The following RFTN1 variants were observed in gnomAD, a reference collection of about 807,000 sequenced individuals.
RFTN1 encodes raftlin.
A neutral mutation model predicts 46.5 loss-of-function variants in RFTN1; 26 were observed. The observed-to-expected ratio is 0.56, with a 90% confidence interval of 0.41 to 0.78. The LOEUF (loss-of-function observed/expected upper bound fraction) is 0.78, where lower values mean the gene tolerates loss of function less well. RFTN1 is among the 30% of genes least tolerant of loss of function. The pLI is 0.00. For missense variants in RFTN1, 693 were observed against 718.7 expected (o/e 0.96, Z 0.41); for synonymous variants, 261 against 284.2 (o/e 0.92, Z 0.82).
At position 16,498,099 on chromosome 3, in the gene RFTN1, G is replaced by T. The variant is rs2124999980; in HGVS notation, c.-8-4222C>A. 6.6e-6 allele frequency among the ~76,000 whole-genome samples: 1 copy of T among 152,200 alleles called. No individual in the cohort carries two copies. Among genetic ancestry groups the T allele is most frequent in the Admixed American group, 6.5e-5 (1 of 15,298 alleles). The stretch of plus-strand genomic sequence containing the variant: ...TATCACAGGACATAAAGGGGCTCTG[G>T]GCAAATCATCCATGTGATCAGACAC... On this transcript the variant is annotated intron_variant, in intron 1 of 9. Transcript: ENST00000334133. This position sits in a 1 kb window ranked among gnomAD's most constrained non-coding sequence, Gnocchi z 5.2.
In RFTN1 at chr3:16,507,838, CAT is replaced by C. The variant is rs1367998404; in HGVS notation, c.-9+5602_-9+5603del. On this transcript the variant is annotated intron_variant, in intron 1 of 9. Transcript: ENST00000334133. This position sits in a 1 kb window ranked among gnomAD's most constrained non-coding sequence, Gnocchi z 7.1. Reference sequence around the variant, plus strand: ...ACATACATACATACACACACACACACATACACACATATATATACACACACACA... The same window carrying C: ...ACATACATACATACACACACACACACACACACATATATATACACACACACA... Among the ~76,000 whole-genome samples, 188 of 151,894 alleles carry C rather than the reference CAT, an allele frequency of 1.2e-3. No homozygotes were observed. The highest frequency in any genetic ancestry group is 4.2e-3 in the African/African-American group (172 of 41,406).
At chr3:16,328,569 C>T (rs940114123) in intron 7 of RFTN1, among the ~76,000 whole-genome samples, 9 of 152,228 alleles carry the variant, frequency 5.9e-5, no homozygotes, top group Admixed American at 1.3e-4. Flanking sequence ...GCCTCCCTTT[C>T]CTCCGCTGTA....
chr3:16,412,775 T>G lies in RFTN1; in HGVS notation c.333-3292A>C, dbSNP rs941422992. 3.3e-5 allele frequency among the ~76,000 whole-genome samples: 5 copies of G among 152,338 alleles called. No individual in the cohort carries two copies. In the East Asian group the frequency reaches 9.6e-4, roughly 29 times the overall value. On this transcript the variant is annotated intron_variant, in intron 3 of 9. Coordinates refer to ENST00000334133, the MANE Select transcript of RFTN1 (RefSeq NM_015150.2). The stretch of plus-strand genomic sequence containing the variant: ...CTGAGCTAGAGAATCCCTTACTGGC[T>G]TTGAAGAAGAAAGCTTCAGGAAGAA...
Position 16,479,303 on chromosome 3 carries a change from T to G in RFTN1, c.145+14422A>C, listed in dbSNP as rs1056885273. On this transcript the variant is annotated intron_variant, in intron 2 of 9. Transcript: ENST00000334133. This position sits in a 1 kb window ranked among gnomAD's most constrained non-coding sequence, Gnocchi z 5.1. ...AAATGGTATTAAGAAAAAAGATATT[T>G]TCTTGGTTTTTAGTTGTTTTAGGCT... 5.3e-5 allele frequency among the ~76,000 whole-genome samples: 8 copies of G among 152,200 alleles called. No homozygotes were observed. The highest frequency in any genetic ancestry group is 1.7e-4 in the African/African-American group (7 of 41,432).
intron 9 of RFTN1, among the ~76,000 whole-genome samples, chr3:16,318,648 G>A (rs1348230698): frequency 1.3e-5 from 2 of 152,152 alleles, no homozygotes; most frequent in African/African-American, 4.8e-5. Context: ...AGATAAGAAT[G>A]GTAATGGAAT....
In RFTN1 at chr3:16,489,308, C is replaced by CT. The variant is rs2076502742; in HGVS notation, c.145+4416dup. Among the ~76,000 whole-genome samples, 1 of 152,220 alleles carries CT rather than the reference C, an allele frequency of 6.6e-6. No individual in the cohort carries two copies. Among genetic ancestry groups the CT allele is most frequent in the South Asian group, 2.1e-4 (1 of 4,820 alleles). ...TGGCGGGCACCTGTAATCCCAACTA[C>CT]TCGGCAGGCTGAGGCACAAGAATTA... On this transcript the variant is annotated intron_variant, in intron 2 of 9. Transcript: ENST00000334133. This position sits in a 1 kb window ranked among gnomAD's most constrained non-coding sequence, Gnocchi z 4.0.
At position 16,345,788 on chromosome 3, in the gene RFTN1, C is replaced by CTGTCTGTGTG. The variant is rs765619275; in HGVS notation, c.1146+12143_1146+12144insCACACAGACA. On this transcript the variant is annotated intron_variant, in intron 7 of 9. Transcript: ENST00000334133. The surrounding 1 kb of genome is among the most constrained non-coding windows in gnomAD (Gnocchi z 5.2). Reference sequence around the variant, plus strand: ...TGAGCCAAAACCTTATAATAAATCTCTGTGTGTGTGTGTGTGTGTGTGTGT... The same window carrying CTGTCTGTGTG: ...TGAGCCAAAACCTTATAATAAATCTCTGTCTGTGTGTGTGTGTGTGTGTGTGTGTGTGTGT... Among the ~76,000 whole-genome samples, 1,586 of 126,768 alleles carry CTGTCTGTGTG rather than the reference C, an allele frequency of 0.013. 10 individuals carry two copies. Among genetic ancestry groups the CTGTCTGTGTG allele is most frequent in the Admixed American group, 0.032 (403 of 12,778 alleles). The allele number at this position is 126,768 out of a possible 152,430, so 83.2% of individuals were successfully genotyped here. A position where few individuals can be genotyped will look rare whatever the true frequency, so the allele number is the denominator to read the frequency against.
chr3:16,324,105 G>GTT (rs560856336), intron 8 of RFTN1, among the ~76,000 whole-genome samples: 21 of 93,744 alleles, frequency 2.2e-4, no homozygotes, highest in African/African-American at 6.2e-4. Flanking sequence ...GAAGATCACT[G>GTT]TTTTTTTTTT....
At chr3:16,372,019 G>A (rs2073529396) in intron 5 of RFTN1, among the ~76,000 whole-genome samples, 1 of 152,168 alleles carries the variant, frequency 6.6e-6, no homozygotes, top group East Asian at 1.9e-4. Flanking sequence ...TGGGTGTCAG[G>A]GGTTCAATTA....
rs2075992474 is a variant in RFTN1, at chr3:16,460,611, C to A, written c.146-26574G>T. Reference sequence around the variant, plus strand: ...GGTGGGGAATATATATTTTTTTAACCTAAATCTTCTTCTCATTTTCTCCTT... The same window carrying A: ...GGTGGGGAATATATATTTTTTTAACATAAATCTTCTTCTCATTTTCTCCTT... On this transcript the variant is annotated intron_variant, in intron 2 of 9. Coordinates refer to ENST00000334133, the MANE Select transcript of RFTN1 (RefSeq NM_015150.2). The surrounding 1 kb of genome is among the most constrained non-coding windows in gnomAD (Gnocchi z 4.8). Among the ~76,000 whole-genome samples the A allele has an allele frequency of 7.5e-6, 1 of 133,668 alleles. No homozygotes were observed. Among genetic ancestry groups the A allele is most frequent in the African/African-American group, 2.5e-5 (1 of 39,954 alleles). 87.7% of individuals were successfully genotyped at this position (133,668 alleles called of 152,430 possible).
rs1265871829 is a variant in RFTN1 at position 16,338,064 on chromosome 3, A to G, written c.1147-11188T>C. On this transcript the variant is annotated intron_variant, in intron 7 of 9. Coordinates refer to ENST00000334133, the MANE Select transcript of RFTN1 (RefSeq NM_015150.2). The surrounding 1 kb of genome is among the most constrained non-coding windows in gnomAD (Gnocchi z 5.3). ...TAAAGCACCATGCCAAGCTGGCAAGAAAACCAAACCTGCATGTGCAAGATA... is the reference window on the plus strand; with the variant it reads ...TAAAGCACCATGCCAAGCTGGCAAGGAAACCAAACCTGCATGTGCAAGATA... Among the ~76,000 whole-genome samples, 1 of 152,244 alleles carries G rather than the reference A, an allele frequency of 6.6e-6. No homozygotes were observed. The highest frequency in any genetic ancestry group is 1.5e-5 in the Non-Finnish European group (1 of 68,034).
At chr3:16,397,069 G>GAA (rs11290510) in intron 4 of RFTN1, among the ~76,000 whole-genome samples, 28 of 117,106 alleles carry the variant, frequency 2.4e-4, no homozygotes, top group African/African-American at 2.8e-4. Flanking sequence ...GTCTCAAAAT[G>GAA]AAAAAAAAAA....
In RFTN1 at chr3:16,425,022, A is replaced by G. The variant is rs1050715770; in HGVS notation, c.332+8829T>C. 6.6e-6 allele frequency among the ~76,000 whole-genome samples: 1 copy of G among 152,096 alleles called. No homozygotes were observed. Among genetic ancestry groups the G allele is most frequent in the Non-Finnish European group, 1.5e-5 (1 of 68,044 alleles). ...TTCAACAGAGTTGAATAGGTAGACT[A>G]TTCAATACAAGACTCCCACAAAGAT... On this transcript the variant is annotated intron_variant, in intron 3 of 9. Transcript: ENST00000334133. The surrounding 1 kb of genome is among the most constrained non-coding windows in gnomAD (Gnocchi z 4.3).
At chr3:16,467,885 C>T (rs553273135) in intron 2 of RFTN1, among the ~76,000 whole-genome samples, 2 of 152,252 alleles carry the variant, frequency 1.3e-5, no homozygotes, top group South Asian at 4.2e-4. Context: ...AGCTTCATCC[C>T]TCACCCCACT....
At position 16,489,656 on chromosome 3, in the gene RFTN1, C is replaced by G. The variant is rs999454659; in HGVS notation, c.145+4069G>C. Among the ~76,000 whole-genome samples the G allele has an allele frequency of 2.6e-5, 4 of 152,152 alleles. No individual in the cohort carries two copies. Among genetic ancestry groups the G allele is most frequent in the Admixed American group, 2.0e-4 (3 of 15,288 alleles). ...AGTGCAGTGGCTCATGCCTGTAAGC[C>G]CAGCACTTTGGGAGGCCGAGGTGGG... On this transcript the variant is annotated intron_variant, in intron 2 of 9. Coordinates refer to ENST00000334133, the MANE Select transcript of RFTN1 (RefSeq NM_015150.2). This position sits in a 1 kb window ranked among gnomAD's most constrained non-coding sequence, Gnocchi z 4.0.
chr3:16,417,275 C>T (rs1430750720), intron 3 of RFTN1, among the ~76,000 whole-genome samples: 1 of 151,898 alleles, frequency 6.6e-6, no homozygotes, highest in Non-Finnish European at 1.5e-5. Flanking sequence ...GCTGAGAATA[C>T]AGGCATCAGC....
chr3:16,367,478 G>GA (rs1418770354), intron 6 of RFTN1, among the ~76,000 whole-genome samples: 1 of 152,170 alleles, frequency 6.6e-6, no homozygotes, highest in African/African-American at 2.4e-5. Flanking sequence ...TTTGTTCTGA[G>GA]AATTGTGCAG....
At chr3:16,436,212 G>A (rs999726770) in intron 2 of RFTN1, among the ~76,000 whole-genome samples, 4 of 151,434 alleles carry the variant, frequency 2.6e-5, no homozygotes, top group Admixed American at 6.6e-5. Context: ...TCTTTGCCTC[G>A]TGTCCTATTT....
chr3:16,344,469 C>G lies in RFTN1; in HGVS notation c.1146+13463G>C, dbSNP rs1290250941. Among the ~76,000 whole-genome samples, 1 of 152,054 alleles carries G rather than the reference C, an allele frequency of 6.6e-6. No individual in the cohort carries two copies. Among genetic ancestry groups the G allele is most frequent in the Non-Finnish European group, 1.5e-5 (1 of 68,004 alleles). On this transcript the variant is annotated intron_variant, in intron 7 of 9. Transcript: ENST00000334133. This position sits in a 1 kb window ranked among gnomAD's most constrained non-coding sequence, Gnocchi z 4.4. Reference sequence around the variant, plus strand: ...ATGGGTGGGTGGTCCAGAGTCTTCCCCACTCTCAGACCTGCCCTGGCCTTC... The same window carrying G: ...ATGGGTGGGTGGTCCAGAGTCTTCCGCACTCTCAGACCTGCCCTGGCCTTC...
Sources: allele counts gnomAD v4.1 joint callset (sites outside exome capture counted in the v4.1 genomes callset), GRCh38; gene constraint gnomAD v4.1.1; non-coding constraint Gnocchi (gnomAD v3.1); transcripts MANE v1.5; gene names NCBI Gene and HGNC (gene_info 2026-07-23, HGNC 2026-07-21).